Variants in PARVA observed in about 807,000 individuals in gnomAD.
The protein encoded by PARVA is parvin alpha, also known as alpha-parvin.
Under a neutral mutation model 52.6 loss-of-function variants are expected in PARVA, and 25 were observed. The ratio of observed to expected loss-of-function variants is 0.48; its 90% CI spans 0.35 to 0.66. The LOEUF (loss-of-function observed/expected upper bound fraction) is 0.66, where lower values mean the gene tolerates loss of function less well. PARVA is among the 30% of genes least tolerant of loss of function. The pLI is 0.01. For synonymous variants in PARVA, 185 were observed against 179.1 expected (o/e 1.03, Z -0.26); for missense variants, 373 against 450.9 (o/e 0.83, Z 1.56).
At chr11:12,387,613 A>G (rs531358500) in intron 1 of PARVA, among the ~76,000 whole-genome samples, 2 of 151,990 alleles carry the variant, frequency 1.3e-5, no homozygotes, top group African/African-American at 4.8e-5. Flanking sequence ...ACCCCTAGGA[A>G]TCTCTTTTCC....
chr11:12,377,592 G>A lies in PARVA; in HGVS notation c.-56G>A. 2.0e-6 allele frequency: 3 copies of A among 1,508,746 alleles called. No individual in the cohort carries two copies. Among genetic ancestry groups the A allele is most frequent in the East Asian group, 2.8e-5 (1 of 35,272 alleles). 93.5% of individuals were successfully genotyped at this position (1,508,746 alleles called of 1,614,324 possible). A position where few individuals can be genotyped will look rare whatever the true frequency, so the allele number is the denominator to read the frequency against. On this transcript the variant is annotated 5_prime_UTR_variant, in exon 1 of 13. Coordinates refer to ENST00000334956, the MANE Select transcript of PARVA (RefSeq NM_018222.5). Reference sequence around the variant, plus strand: ...CCTCAGTCCCGCCGCCGCCCGCTGCGTCCGCCCAGCGCCAGCTCCGCGTCC... The same window carrying A: ...CCTCAGTCCCGCCGCCGCCCGCTGCATCCGCCCAGCGCCAGCTCCGCGTCC...
At chr11:12,481,943 G>A (rs1383622825) in intron 4 of PARVA, among the ~76,000 whole-genome samples, 2 of 152,052 alleles carry the variant, frequency 1.3e-5, no homozygotes, top group African/African-American at 4.8e-5. Flanking sequence ...ACTCAGGCAG[G>A]TGGATCATCT....
At chr11:12,519,642 G>C (rs546740050) in intron 12 of PARVA, among the ~76,000 whole-genome samples, 1 of 152,180 alleles carries the variant, frequency 6.6e-6, no homozygotes. Context: ...TGGAGACTGG[G>C]AGAGAAGTGT....
At chr11:12,522,319 T>C (rs1941646651) in intron 12 of PARVA, among the ~76,000 whole-genome samples, 3 of 151,896 alleles carry the variant, frequency 2.0e-5, no homozygotes, top group Admixed American at 2.0e-4. Context: ...GTGACTATTC[T>C]CTGCAAAAAA....
At chr11:12,378,090 G>T (rs1283484754) in intron 1 of PARVA, among the ~76,000 whole-genome samples, 1 of 151,196 alleles carries the variant, frequency 6.6e-6, no homozygotes, top group Admixed American at 6.6e-5. Flanking sequence ...TTGGCGGCCG[G>T]AGGCGGCGGG....
chr11:12,502,939 T>A (rs1564864447), intron 5 of PARVA, among the ~76,000 whole-genome samples: 1 of 152,190 alleles, frequency 6.6e-6, no homozygotes, highest in Non-Finnish European at 1.5e-5. Context: ...CCCAAGGCCA[T>A]GTAGCCAGTA....
At chr11:12,519,133 G>A (rs1329009025) in intron 12 of PARVA, among the ~76,000 whole-genome samples, 1 of 152,236 alleles carries the variant, frequency 6.6e-6, no homozygotes, top group African/African-American at 2.4e-5. Flanking sequence ...GCCCCTTACT[G>A]ACTGAAGTAT....
chr11:12,499,520 A>C (rs191131686), intron 5 of PARVA, among the ~76,000 whole-genome samples: 4 of 152,178 alleles, frequency 2.6e-5, no homozygotes, highest in Admixed American at 2.0e-4. Context: ...ATTAACGTTT[A>C]ACACATGTAT....
intron 10 of PARVA, among the ~76,000 whole-genome samples, chr11:12,514,839 T>C (rs1384593852): frequency 6.6e-6 from 1 of 152,246 alleles, no homozygotes; most frequent in Non-Finnish European, 1.5e-5. Context: ...AAAAACACTC[T>C]GTTCAGATTT....
chr11:12,494,693 A>G (rs1424148826), intron 4 of PARVA, among the ~76,000 whole-genome samples: 1 of 152,240 alleles, frequency 6.6e-6, no homozygotes, highest in Admixed American at 6.5e-5. Flanking sequence ...TGTGCAAGAA[A>G]AAGTTATTGA....
rs187909694 is a variant in PARVA, at chr11:12,396,062, A to G, written c.136+18279A>G. Among the ~76,000 whole-genome samples, 810 of 152,286 alleles carry G rather than the reference A, an allele frequency of 5.3e-3. 9 individuals are homozygous for G. Among genetic ancestry groups the G allele is most frequent in the Middle Eastern group, 0.014 (4 of 294 alleles). On this transcript the variant is annotated intron_variant, in intron 1 of 12. Transcript: ENST00000334956. ...ATGTCAAGCACCTAGGGACCTCCAT[A>G]TATTATATCACATTTAATCCTTACA...
chr11:12,515,906 G>A (rs1182347709), intron 10 of PARVA, among the ~76,000 whole-genome samples: 1 of 152,168 alleles, frequency 6.6e-6, no homozygotes, highest in Non-Finnish European at 1.5e-5. Context: ...GCACGATCAC[G>A]GCTTACTGCA....
At chr11:12,498,571 C>CTTT (rs138332169) in intron 5 of PARVA, among the ~76,000 whole-genome samples, 6 of 84,128 alleles carry the variant, frequency 7.1e-5, no homozygotes, top group African/African-American at 2.1e-4. Flanking sequence ...GTCATATACA[C>CTTT]TTTTTTTTTT....
In PARVA at chr11:12,533,439, T is replaced by C. The variant is rs529393520; in HGVS notation, c.*5514T>C. Among the ~76,000 whole-genome samples, 6 of 152,346 alleles carry C rather than the reference T, an allele frequency of 3.9e-5. No homozygotes were observed. In the East Asian group the frequency reaches 1.2e-3, roughly 29 times the overall value. On this transcript the variant is annotated 3_prime_UTR_variant, in exon 13 of 13. Transcript: ENST00000334956. The stretch of plus-strand genomic sequence containing the variant: ...TCAGCATGAACTATAACTGCTCCAA[T>C]GCCCACCACATTATATAAAATCTAC...
At chr11:12,377,877 C>A (rs990984195) in intron 1 of PARVA, 94 bp downstream of exon 1, 3 of 853,856 alleles carry the variant, frequency 3.5e-6, no homozygotes, top group South Asian at 5.8e-5. Context: ...GGGAGCGCGC[C>A]GCGGGTGCCC....
intron 12 of PARVA, among the ~76,000 whole-genome samples, chr11:12,521,995 T>C (rs117663820): frequency 6.6e-6 from 1 of 152,358 alleles, no homozygotes; most frequent in East Asian, 1.9e-4. Flanking sequence ...GGGCTTTTGA[T>C]TTCTAGAATT....
At chr11:12,511,580 C>T (rs1168139493) in intron 8 of PARVA, 47 bp downstream of exon 8, 1 of 1,600,204 alleles carries the variant, frequency 6.2e-7, no homozygotes, top group African/African-American at 1.3e-5. Flanking sequence ...TGCACTGGGG[C>T]TTTAGTTAAT....
chr11:12,509,081 T>TG (rs200724424), intron 7 of PARVA, among the ~76,000 whole-genome samples: 9,838 of 126,354 alleles, frequency 0.078, 832 homozygotes, highest in African/African-American at 0.21. Context: ...GGTGGTTTTT[T>TG]TTTTTTTTTT....
chr11:12,391,728 C>A (rs967579921), intron 1 of PARVA, among the ~76,000 whole-genome samples: 1 of 152,254 alleles, frequency 6.6e-6, no homozygotes, highest in East Asian at 1.9e-4. Context: ...AGAAATGGAC[C>A]GGATTTTAAC....
Sources: gnomAD v4.1 joint callset for allele counts (sites outside exome capture counted in the v4.1 genomes callset) on GRCh38, gnomAD v4.1.1 for gene constraint, MANE v1.5 for transcripts, NCBI Gene and HGNC (gene_info 2026-07-23, HGNC 2026-07-21) for gene names.